Variants in GAK observed in about 807,000 individuals in gnomAD.
GAK encodes cyclin G associated kinase.
Under a neutral mutation model 143.9 loss-of-function variants are expected in GAK, and 79 were observed. That is an observed-to-expected ratio of 0.55 (90% CI 0.46 to 0.66). The LOEUF (loss-of-function observed/expected upper bound fraction) is 0.66, where lower values mean the gene tolerates loss of function less well. Ranked by LOEUF, GAK falls within the 30% of genes least tolerant of loss-of-function variation. The pLI is 0.00. For missense variants in GAK, 1,693 were observed against 1,779.7 expected, an observed-to-expected ratio of 0.95 and a Z score of 0.88; for synonymous variants, 881 against 765.5, an observed-to-expected ratio of 1.15 and a Z score of -2.49.
At chr4:851,706 G>A (rs764561876) in intron 25 of GAK, 44 bp downstream of exon 25, 2 of 1,567,650 alleles carry the variant, frequency 1.3e-6, no homozygotes, top group African/African-American at 2.7e-5. Context: ...CCAATTCAGG[G>A]AGGTCTCTGC....
Position 890,695 on chromosome 4 carries a change from C to G in GAK, c.991-73G>C, listed in dbSNP as rs541351694. The G allele has an allele frequency of 2.4e-6, 3 of 1,249,468 alleles. No individual in the cohort carries two copies. The Admixed American group carries it at 6.0e-5, about 25-fold the overall frequency. 77.4% of individuals were successfully genotyped at this position (1,249,468 alleles called of 1,614,324 possible). On this transcript the variant is annotated intron_variant, in intron 9 of 27. Transcript: ENST00000314167. ...CGCCTGCCCACGTCGGGCAGAGGTA[C>G]GGTATGGGTGCCCTCAGAGCCCATC...
At chr4:917,863 A>G (rs1723319411) in intron 1 of GAK, among the ~76,000 whole-genome samples, 2 of 152,260 alleles carry the variant, frequency 1.3e-5, no homozygotes, top group Admixed American at 1.3e-4. Flanking sequence ...AAGGAAGTAA[A>G]TGGAAATCCA....
chr4:900,810 G>A (rs926840781), intron 5 of GAK, among the ~76,000 whole-genome samples: 5 of 152,204 alleles, frequency 3.3e-5, no homozygotes, highest in African/African-American at 9.7e-5. Flanking sequence ...AAGGAAAGAA[G>A]AAACAGAAGG....
chr4:868,478 G>A, intron 20 of GAK, 61 bp downstream of exon 20: 2 of 1,564,314 alleles, frequency 1.3e-6, no homozygotes, highest in South Asian at 2.3e-5. Context: ...CCTGCCCCAG[G>A]GGCACCTCCA....
chr4:929,215 T>C (rs1725298235), intron 1 of GAK, among the ~76,000 whole-genome samples: 1 of 152,154 alleles, frequency 6.6e-6, no homozygotes, highest in Non-Finnish European at 1.5e-5. Context: ...CCCCCAAGGC[T>C]CCTGAGCGGG....
At chr4:868,431 T>C in intron 20 of GAK, 108 bp downstream of exon 20, 1 of 1,180,200 alleles carries the variant, frequency 8.5e-7, no homozygotes, top group South Asian at 1.5e-5. Context: ...GAGGTGCAAC[T>C]CAGCTCTGCC....
intron 1 of GAK, among the ~76,000 whole-genome samples, chr4:919,124 G>A (rs1475978698): frequency 1.3e-5 from 2 of 151,014 alleles, no homozygotes; most frequent in Non-Finnish European, 2.9e-5. Context: ...ACCTTAGCAG[G>A]ACAGAAGGCT....
chr4:852,696 C>G (rs1577026973), intron 24 of GAK: 1 of 152,694 alleles, frequency 6.5e-6, no homozygotes, highest in African/African-American at 2.4e-5. Flanking sequence ...CCCACCTCGG[C>G]CTCCCAAAGT....
In GAK at chr4:865,003, C is replaced by A. The variant is rs113665090; in HGVS notation, c.3166+119G>T. ...GCGGAGCCCGCACCACCAAGCACGC[C>A]CCAGCCCTTCCTTCCTTCTCTGCGC... On this transcript the variant is annotated intron_variant, in intron 23 of 27. Coordinates refer to ENST00000314167, the MANE Select transcript of GAK (RefSeq NM_005255.4). The A allele has an allele frequency of 1.7e-5, 23 of 1,370,818 alleles. 1 individual carries two copies. In the African/African-American group the frequency reaches 2.1e-4, roughly 13 times the overall value. 84.9% of individuals were successfully genotyped at this position (1,370,818 alleles called of 1,614,324 possible).
chr4:853,700 C>G (rs982816850), intron 24 of GAK: 1 of 152,558 alleles, frequency 6.6e-6, no homozygotes, highest in Non-Finnish European at 1.5e-5. Flanking sequence ...GCGCTCCGGC[C>G]TCCTCCGCGC....
At chr4:906,279 A>C (rs1268134139) in intron 4 of GAK, among the ~76,000 whole-genome samples, 1 of 152,232 alleles carries the variant, frequency 6.6e-6, no homozygotes, top group East Asian at 1.9e-4. Flanking sequence ...CAAATACACA[A>C]GTGCTCAAAC....
In GAK at chr4:877,200, T is replaced by C; in HGVS notation, c.1864A>G (p.Lys622Glu). ...ATCACCGCTTTGCCATCTTCAATCT[T>C]AAAGTCCCTAAGGACAGAATGACAA... ...SQEYDKMRDF[K>E]IEDGKAVIPL... The change falls in exon 17 of 28, where the codon AAG (lysine) becomes GAG (glutamate). Residue 622 changes from lysine (K) to glutamate (E), a missense_variant. Physicochemically the swap from Lys to Glu is moderately conservative, Grantham distance 56. Transcript: ENST00000314167. 2 of 1,609,458 alleles carry C rather than the reference T, an allele frequency of 1.2e-6. No individual in the cohort carries two copies. The highest frequency in any genetic ancestry group is 8.5e-7 in the Non-Finnish European group (1 of 1,175,820).
chr4:914,445 CCA>C (rs1722671359), intron 1 of GAK, among the ~76,000 whole-genome samples: 1 of 107,170 alleles, frequency 9.3e-6, no homozygotes. Context: ...TGCACGGCCC[CCA>C]CACACACAGC....
chr4:860,247 G>C (rs1363355620), intron 23 of GAK, among the ~76,000 whole-genome samples: 2 of 144,472 alleles, frequency 1.4e-5, no homozygotes, highest in African/African-American at 5.0e-5. Flanking sequence ...ACCCAGGGGG[G>C]CTGCGGTGGG....
intron 24 of GAK, among the ~76,000 whole-genome samples, chr4:856,680 C>CCACAG (rs1438121612): frequency 1.3e-5 from 2 of 150,544 alleles, no homozygotes; most frequent in African/African-American, 4.9e-5. Flanking sequence ...GCTGCTCACA[C>CCACAG]CTGCTCACCA....
At chr4:861,333 G>A (rs1002573149) in intron 23 of GAK, among the ~76,000 whole-genome samples, 5 of 152,218 alleles carry the variant, frequency 3.3e-5, no homozygotes, top group African/African-American at 1.2e-4. Context: ...GCTCATGCCT[G>A]TGTTCCCAGC....
At chr4:889,715 G>A (rs1053297339) in intron 10 of GAK, among the ~76,000 whole-genome samples, 2 of 152,202 alleles carry the variant, frequency 1.3e-5, no homozygotes, top group African/African-American at 2.4e-5. Context: ...GATGCGGGGC[G>A]AGGTCGGGAG....
chr4:895,448 G>A (rs549442105), intron 7 of GAK, among the ~76,000 whole-genome samples: 2 of 152,350 alleles, frequency 1.3e-5, no homozygotes, highest in South Asian at 2.1e-4. Flanking sequence ...CAAGAACACA[G>A]GCAATGACCA....
intron 4 of GAK, among the ~76,000 whole-genome samples, chr4:909,267 C>A (rs1721612006): frequency 6.6e-6 from 1 of 152,364 alleles, no homozygotes; most frequent in South Asian, 2.1e-4. Context: ...AATCTTAATC[C>A]CACTGGTTTC....
Sources: gnomAD v4.1 joint callset for allele counts (sites outside exome capture counted in the v4.1 genomes callset) on GRCh38, gnomAD v4.1.1 for gene constraint, MANE v1.5 for transcripts, NCBI Gene and HGNC (gene_info 2026-07-23, HGNC 2026-07-21) for gene names.